Variants in SCLT1 observed in about 807,000 individuals in gnomAD.
SCLT1 encodes sodium channel and clathrin linker 1.
In SCLT1, 78 loss-of-function variants were observed where a neutral mutation model predicts 112.8. That is an observed-to-expected ratio of 0.69 (90% confidence interval 0.58 to 0.83). The LOEUF (loss-of-function observed/expected upper bound fraction) is 0.83. Ranked by LOEUF, SCLT1 falls within the 40% of genes least tolerant of loss-of-function variation. SCLT1 has a pLI of 0.00. For missense variants in SCLT1, 747 were observed against 770.4 expected (o/e 0.97, Z 0.36); for synonymous variants, 257 against 254.7 (o/e 1.01, Z -0.09).
At chr4:128,891,002 A>G (rs1488939298) in intron 19 of SCLT1, 57 bp downstream of exon 19, 4 of 1,237,406 alleles carry the variant, frequency 3.2e-6, no homozygotes, top group African/African-American at 3.0e-5. Context: ...GTAAAATTCT[A>G]TAACATGTGT....
chr4:128,895,644 C>T (rs1210381478), intron 18 of SCLT1, among the ~76,000 whole-genome samples: 2 of 152,180 alleles, frequency 1.3e-5, no homozygotes, highest in Admixed American at 1.3e-4. Flanking sequence ...GCATTTCCAA[C>T]TGAGGTACCG....
intron 2 of SCLT1, among the ~76,000 whole-genome samples, chr4:129,049,334 A>G (rs1237400503): frequency 1.3e-5 from 2 of 152,108 alleles, no homozygotes; most frequent in Admixed American, 6.6e-5. Context: ...TTTGTAGGAC[A>G]TGGATGAAAT....
At chr4:128,957,160 TTATTATTA>T in intron 12 of SCLT1, 36 bp from the exon 13 acceptor site, 1 of 1,256,558 alleles carries the variant, frequency 8.0e-7, no homozygotes, top group Non-Finnish European at 1.1e-6. Flanking sequence ...ATAGATAACA[TTATTATTA>T]GTAAAGATAA....
chr4:129,053,704 T>C (rs1205495673), intron 2 of SCLT1, among the ~76,000 whole-genome samples: 1 of 151,862 alleles, frequency 6.6e-6, no homozygotes, highest in South Asian at 2.1e-4. Flanking sequence ...TGACTCCTTA[T>C]CCAATTTGCC....
At chr4:128,999,309 C>A (rs1292832887) in intron 7 of SCLT1, among the ~76,000 whole-genome samples, 1 of 151,942 alleles carries the variant, frequency 6.6e-6, no homozygotes, top group African/African-American at 2.4e-5. Flanking sequence ...GGTTTCTTCA[C>A]TGGCCATAAA....
chr4:128,952,307 C>CA, intron 14 of SCLT1: 1 of 456,246 alleles, frequency 2.2e-6, no homozygotes, highest in South Asian at 1.6e-5. Context: ...TTCATTACAT[C>CA]AAATCTTCAA....
chr4:129,087,421 T>A lies in SCLT1; in HGVS notation c.35-5048A>T, dbSNP rs189261652. 7.7e-4 allele frequency among the ~76,000 whole-genome samples: 117 copies of A among 152,108 alleles called. 2 individuals carry two copies. The East Asian group carries it at 0.022, about 29-fold the overall frequency. On this transcript the variant is annotated intron_variant, in intron 1 of 20. Coordinates refer to ENST00000281142, the MANE Select transcript of SCLT1 (RefSeq NM_144643.4). ...CAGAAAGTTGAAGAGTACAAAATAT[T>A]TTCCAAGTAATTCTATGAGGCTGGC...
chr4:128,898,038 C>T (rs962559111), intron 18 of SCLT1, among the ~76,000 whole-genome samples: 4 of 152,082 alleles, frequency 2.6e-5, no homozygotes. Flanking sequence ...CCTTAGAGAC[C>T]TACAAAGAGA....
chr4:128,991,699 T>C (rs192444549), intron 9 of SCLT1, among the ~76,000 whole-genome samples: 1 of 151,822 alleles, frequency 6.6e-6, no homozygotes, highest in Non-Finnish European at 1.5e-5. Context: ...TACAAATAAA[T>C]GGACAATAGG....
At chr4:129,021,084 T>C (rs917692243) in intron 5 of SCLT1, among the ~76,000 whole-genome samples, 1 of 152,150 alleles carries the variant, frequency 6.6e-6, no homozygotes, top group Non-Finnish European at 1.5e-5. Context: ...GGTTAGGCAG[T>C]GGGTCCAACC....
At chr4:129,067,008 TA>T (rs1193488545) in intron 2 of SCLT1, among the ~76,000 whole-genome samples, 1 of 152,062 alleles carries the variant, frequency 6.6e-6, no homozygotes, top group Non-Finnish European at 1.5e-5. Flanking sequence ...ACATGAAACA[TA>T]ACAAAATCTG....
rs1753006082 is a variant in SCLT1, at chr4:129,093,141, A to G, written c.-38T>C. The G allele has an allele frequency of 6.2e-7, 1 of 1,603,912 alleles. No homozygotes were observed. The highest frequency in any genetic ancestry group is 8.5e-7 in the Non-Finnish European group (1 of 1,170,798). On this transcript the variant is annotated 5_prime_UTR_variant, in exon 1 of 21. Coordinates refer to ENST00000281142, the MANE Select transcript of SCLT1 (RefSeq NM_144643.4). ...TTAGTTTAGAGCTTTCACCACCTTTACCTTCCTCTGAAAGACAGAGAGCTT... is the reference window on the plus strand; with the variant it reads ...TTAGTTTAGAGCTTTCACCACCTTTGCCTTCCTCTGAAAGACAGAGAGCTT...
intron 5 of SCLT1, among the ~76,000 whole-genome samples, chr4:129,006,563 G>A (rs1744045359): frequency 6.6e-6 from 1 of 151,388 alleles, no homozygotes; most frequent in Admixed American, 6.6e-5. Flanking sequence ...AAATTTAAAG[G>A]TCACAGAAAT....
In SCLT1 at chr4:129,044,031, T is replaced by C; in HGVS notation, c.123A>G (p.Glu41=). The C allele has an allele frequency of 1.3e-6, 2 of 1,570,430 alleles. No homozygotes were observed. Among genetic ancestry groups the C allele is most frequent in the Non-Finnish European group, 1.7e-6 (2 of 1,145,482 alleles). ...SSVQKAVCQG[E]GDDTFENLVF... ...CTAGGTTTTCAAATGTGTCGTCTCC[T>C]TCTCCTTGGCAGACAGCTTTCTATA... Residue 41 remains glutamate, a synonymous_variant, in exon 3 of 21, where the codon GAA becomes GAG. Coordinates refer to ENST00000281142, the MANE Select transcript of SCLT1 (RefSeq NM_144643.4).
chr4:128,936,851 T>C lies in SCLT1; in HGVS notation c.1633A>G (p.Ile545Val). Residue 545 changes from isoleucine (I) to valine (V), a missense_variant and splice_region_variant, in exon 18 of 21, where the codon ATC becomes GTC. By Grantham distance (29) the Ile-to-Val change is conservative. Around this residue, in one of 2 missense-constraint regions of SCLT1, gnomAD observed 723 missense variants for 721.3 expected, o/e 1.00. Transcript: ENST00000281142. The part of the protein sequence containing the change: ...LEAQKKAKVK[I>V]STMEHEFSIK... ...GAAAATTCATGTTCCATTGTACTGA[T>C]CTAAAGAATAAAATGAAAACGTATT... is the stretch of plus-strand genomic sequence containing the variant. 1.4e-6 allele frequency: 2 copies of C among 1,479,282 alleles called. No homozygotes were observed. The highest frequency in any genetic ancestry group is 1.8e-6 in the Non-Finnish European group (2 of 1,084,874). The allele number at this position is 1,479,282 out of a possible 1,614,324, so 91.6% of individuals were successfully genotyped here.
intron 5 of SCLT1, among the ~76,000 whole-genome samples, chr4:129,017,604 T>TA (rs1405997634): frequency 6.6e-6 from 1 of 152,038 alleles, no homozygotes; most frequent in East Asian, 1.9e-4. Context: ...AACAAATATC[T>TA]AAAAAAATAT....
intron 9 of SCLT1, among the ~76,000 whole-genome samples, chr4:128,988,817 A>G (rs1280037036): frequency 1.3e-5 from 2 of 151,982 alleles, no homozygotes; most frequent in Non-Finnish European, 2.9e-5. Flanking sequence ...ACCCCAAAAG[A>G]GCAAGAGTAG....
Position 129,003,955 on chromosome 4 carries a change from T to G in SCLT1, c.291-79A>C, listed in dbSNP as rs1398131540. On this transcript the variant is annotated intron_variant, in intron 5 of 20. Transcript: ENST00000281142. Reference sequence around the variant, plus strand: ...TACTGTTTCGAGGTCAATTAAACATTTGGGTCAACAATAACTCTTTAAACA... The same window carrying G: ...TACTGTTTCGAGGTCAATTAAACATGTGGGTCAACAATAACTCTTTAAACA... 2.7e-5 allele frequency: 35 copies of G among 1,302,686 alleles called. No homozygotes were observed. The Middle Eastern group carries it at 5.5e-4, about 20-fold the overall frequency. The allele number at this position is 1,302,686 out of a possible 1,614,324, so 80.7% of individuals were successfully genotyped here. A position where few individuals can be genotyped will look rare whatever the true frequency, so the allele number is the denominator to read the frequency against.
chr4:128,962,428 A>G (rs1739819536), intron 11 of SCLT1, among the ~76,000 whole-genome samples: 1 of 152,124 alleles, frequency 6.6e-6, no homozygotes, highest in African/African-American at 2.4e-5. Flanking sequence ...TCTGCCTCAA[A>G]TCTTAAGAAC....
Sources: gnomAD v4.1 joint callset for allele counts (sites outside exome capture counted in the v4.1 genomes callset) on GRCh38, gnomAD v4.1.1 for gene constraint, gnomAD v4.1.1 regional missense constraint, MANE v1.5 for transcripts, NCBI Gene and HGNC (gene_info 2026-07-23, HGNC 2026-07-21) for gene names.